TRIM40: variants seen among roughly 807,000 people sequenced by gnomAD.
TRIM40 encodes the protein tripartite motif containing 40.
TRIM40 carries 27 observed loss-of-function variants against 26.1 expected under a neutral mutation model. That is an observed-to-expected ratio of 1.04 (90% CI 0.76 to 1.43). TRIM40 has a LOEUF of 1.43. Ranked by LOEUF, TRIM40 falls within the 40% of genes most tolerant of loss-of-function variation. TRIM40 has a pLI of 0.00. For missense variants in TRIM40, 289 were observed against 307.9 expected (o/e 0.94, Z 0.46); for synonymous variants, 114 against 120.0 (o/e 0.95, Z 0.33).
chr6:30,137,294 ACTT>A lies in TRIM40; in HGVS notation c.264_266del (p.Leu89del), dbSNP rs764359004. 1.2e-5 allele frequency: 19 copies of A among 1,612,976 alleles called. No homozygotes were observed. The highest frequency in any genetic ancestry group is 4.4e-5 in the South Asian group (4 of 91,078). ...TGTGCAGGTTCTGTGAGGAGAGCAG[ACTT>A]CTTCTATGTGTGGAATGCCTGGTGT... On this transcript the variant is annotated inframe_deletion, in exon 2 of 6. Coordinates refer to ENST00000396581, the MANE Select transcript of TRIM40 (RefSeq NM_001286633.2).
chr6:30,145,953 C>A (rs78669166), intron 2 of TRIM40, 41 bp from the exon 3 acceptor site: 42,476 of 1,563,830 alleles, frequency 0.027, 645 homozygotes, highest in Non-Finnish European at 0.03. Flanking sequence ...GGGTGCCCCC[C>A]TCACTCCCAG....
chr6:30,136,887 G>A lies in TRIM40; in HGVS notation c.-150G>A. On this transcript the variant is annotated 5_prime_UTR_variant, in exon 2 of 6. Coordinates refer to ENST00000396581, the MANE Select transcript of TRIM40 (RefSeq NM_001286633.2). ...GGAGAGTGGGCAATTGCCTGAACTT[G>A]GAGGCTGTGTCCTGTCCCCAGGCTG... is the stretch of plus-strand genomic sequence containing the variant. The A allele has an allele frequency of 5.7e-6, 4 of 702,284 alleles. No individual in the cohort carries two copies. Among genetic ancestry groups the A allele is most frequent in the Non-Finnish European group, 9.3e-6 (4 of 429,408 alleles). 43.5% of individuals were successfully genotyped at this position (702,284 alleles called of 1,614,324 possible).
chr6:30,142,079 G>A (rs1297936805), intron 2 of TRIM40, among the ~76,000 whole-genome samples: 1 of 150,774 alleles, frequency 6.6e-6, no homozygotes, highest in Non-Finnish European at 1.5e-5. Flanking sequence ...GATATTGACA[G>A]CGTAATTTTG....
intron 2 of TRIM40, among the ~76,000 whole-genome samples, chr6:30,144,901 C>T (rs751466332): frequency 1.2e-4 from 18 of 152,196 alleles, no homozygotes; most frequent in African/African-American, 4.1e-4. Context: ...GACTCATGAG[C>T]GACATCCATG....
intron 3 of TRIM40, 122 bp from the exon 4 acceptor site, chr6:30,146,863 G>A: frequency 1.0e-6 from 1 of 961,428 alleles, no homozygotes. Context: ...GTGACACACA[G>A]AGGCAACACC....
intron 1 of TRIM40, chr6:30,136,520 G>C (rs1024629716): frequency 6.3e-6 from 1 of 157,512 alleles, no homozygotes; most frequent in Non-Finnish European, 1.4e-5. Context: ...GAGCCACCCG[G>C]TGTGACAGTG....
rs1411045269 is a variant in TRIM40 at position 30,136,172 on chromosome 6, G to A, written c.-322G>A. The A allele has an allele frequency of 6.6e-6, 1 of 152,334 alleles. No individual in the cohort carries two copies. The highest frequency in any genetic ancestry group is 1.5e-5 in the Non-Finnish European group (1 of 68,132). 9.4% of individuals were successfully genotyped at this position (152,334 alleles called of 1,614,324 possible). A position where few individuals can be genotyped will look rare whatever the true frequency, so the allele number is the denominator to read the frequency against. The stretch of plus-strand genomic sequence containing the variant: ...GAGCCAGAGAAGATGATCTGAAATT[G>A]TAGCAGGAGAAATTGAGGTAGGATA... On this transcript the variant is annotated 5_prime_UTR_variant, in exon 1 of 6. Coordinates refer to ENST00000396581, the MANE Select transcript of TRIM40 (RefSeq NM_001286633.2).
At chr6:30,142,893 G>T (rs1771428879) in intron 2 of TRIM40, among the ~76,000 whole-genome samples, 1 of 151,452 alleles carries the variant, frequency 6.6e-6, no homozygotes, top group Non-Finnish European at 1.5e-5. Flanking sequence ...TATTCTTTCT[G>T]TTATATAGTT....
intron 5 of TRIM40, 76 bp from the exon 6 acceptor site, chr6:30,147,649 A>G: frequency 6.2e-7 from 1 of 1,608,968 alleles, no homozygotes; most frequent in Non-Finnish European, 8.5e-7. Context: ...TTGTATCTTG[A>G]TGCTACATGG....
intron 2 of TRIM40, among the ~76,000 whole-genome samples, chr6:30,139,718 A>C (rs1231274935): frequency 1.3e-5 from 2 of 152,174 alleles, no homozygotes; most frequent in Non-Finnish European, 2.9e-5. Flanking sequence ...AGTGACCTTG[A>C]AGCTGAGGGC....
At chr6:30,142,925 G>C (rs891974746) in intron 2 of TRIM40, among the ~76,000 whole-genome samples, 5 of 151,734 alleles carry the variant, frequency 3.3e-5, no homozygotes, top group Non-Finnish European at 7.4e-5. Context: ...TTACTTTATG[G>C]TTTATTTTTA....
intron 3 of TRIM40, 107 bp from the exon 4 acceptor site, chr6:30,146,878 G>C: frequency 8.7e-7 from 1 of 1,147,556 alleles, no homozygotes; most frequent in Non-Finnish European, 1.2e-6. Flanking sequence ...AACACCATGA[G>C]GGCAAGAGGA....
At chr6:30,140,526 C>T (rs1253091991) in intron 2 of TRIM40, among the ~76,000 whole-genome samples, 1 of 151,924 alleles carries the variant, frequency 6.6e-6, no homozygotes, top group African/African-American at 2.4e-5. Flanking sequence ...ACAATGAGAA[C>T]ACGTGGACAC....
chr6:30,146,567 C>A (rs536390893), intron 3 of TRIM40, among the ~76,000 whole-genome samples: 11 of 152,256 alleles, frequency 7.2e-5, no homozygotes, highest in African/African-American at 2.6e-4. Context: ...CTTGCCACCA[C>A]GCCCAGCTAA....
chr6:30,138,723 G>C (rs61248257), intron 2 of TRIM40, among the ~76,000 whole-genome samples: 1,678 of 152,222 alleles, frequency 0.011, 22 homozygotes, highest in African/African-American at 0.034. Context: ...CCCTAATCCA[G>C]TTAGTATTTG....
intron 2 of TRIM40, among the ~76,000 whole-genome samples, 167 bp downstream of exon 2, chr6:30,137,548 T>C (rs1345695181): frequency 6.6e-6 from 1 of 152,194 alleles, no homozygotes; most frequent in Non-Finnish European, 1.5e-5. Flanking sequence ...CTGTGTATAT[T>C]TTGAGGCTGA....
chr6:30,138,217 A>C (rs1771133744), intron 2 of TRIM40, among the ~76,000 whole-genome samples: 1 of 152,210 alleles, frequency 6.6e-6, no homozygotes, highest in Non-Finnish European at 1.5e-5. Flanking sequence ...GTGGTATTAA[A>C]TTCTATGAAT....
chr6:30,147,629 C>T (rs1273941105), intron 5 of TRIM40, 87 bp downstream of exon 5: 1 of 1,611,016 alleles, frequency 6.2e-7, no homozygotes, highest in African/African-American at 1.3e-5. Flanking sequence ...ACCCACTGCT[C>T]CGTTAGCTTT....
intron 2 of TRIM40, among the ~76,000 whole-genome samples, chr6:30,137,687 CTG>C (rs1389442637): frequency 2.0e-5 from 3 of 152,196 alleles, no homozygotes; most frequent in Non-Finnish European, 4.4e-5. Context: ...AGGACTAAAA[CTG>C]TGTGAACTCC....
Sources: gnomAD v4.1 joint callset for allele counts (sites outside exome capture counted in the v4.1 genomes callset) on GRCh38, gnomAD v4.1.1 for gene constraint, MANE v1.5 for transcripts, NCBI Gene and HGNC (gene_info 2026-07-23, HGNC 2026-07-21) for gene names.